The following ZRANB1 variants were observed in gnomAD, a reference collection of about 807,000 sequenced individuals.
ZRANB1 encodes zinc finger RANBP2-type containing 1.
In ZRANB1, 16 loss-of-function variants were observed where a neutral mutation model predicts 80.5. The ratio of observed to expected loss-of-function variants is 0.20; its 90% CI spans 0.13 to 0.30. ZRANB1 has a LOEUF of 0.30. Among genes scored for constraint, ZRANB1 ranks in the 10% least tolerant of loss-of-function variants. ZRANB1 has a pLI of 1.00. For synonymous variants in ZRANB1, 291 were observed against 293.1 expected (o/e 0.99, Z 0.07); for missense variants, 576 against 862.6 (o/e 0.67, Z 4.16).
chr10:124,963,978 C>T (rs554347944), intron 1 of ZRANB1, among the ~76,000 whole-genome samples: 39 of 152,256 alleles, frequency 2.6e-4, no homozygotes, highest in Non-Finnish European at 4.4e-4. Context: ...TGGAGAATTT[C>T]GTGCTGTCAA....
At chr10:124,918,996 TA>T in the ZRANB1 span, among the ~76,000 whole-genome samples, 3 of 152,218 alleles carry the variant, frequency 2.0e-5, no homozygotes, top group Non-Finnish European at 4.4e-5. Context: ...GACACCCATT[TA>T]TTTACTCTTG....
intron 2 of ZRANB1, among the ~76,000 whole-genome samples, chr10:124,967,327 G>A (rs1951784923): frequency 6.6e-6 from 1 of 152,220 alleles, no homozygotes; most frequent in South Asian, 2.1e-4. Flanking sequence ...GGATAAGGGA[G>A]AGAAGGGAAG....
chr10:124,917,540 G>GT, the ZRANB1 span, among the ~76,000 whole-genome samples: 1 of 151,872 alleles, frequency 6.6e-6, no homozygotes, highest in Non-Finnish European at 1.5e-5. Flanking sequence ...GCTGGACGCG[G>GT]TGCCGGTCCC....
the ZRANB1 span, among the ~76,000 whole-genome samples, chr10:124,931,315 CT>C: frequency 0.081 from 12,363 of 152,044 alleles, 689 homozygotes; most frequent in Admixed American, 0.16. Flanking sequence ...TCCCAAGGTG[CT>C]AGGATTACAG....
chr10:124,980,187 G>A (rs1951920088), intron 5 of ZRANB1, among the ~76,000 whole-genome samples: 2 of 152,182 alleles, frequency 1.3e-5, no homozygotes, highest in Admixed American at 1.3e-4. Context: ...AGTTTTGAAT[G>A]TTAAACCAAA....
chr10:124,979,091 A>G (rs148313659), intron 5 of ZRANB1, among the ~76,000 whole-genome samples: 2 of 152,322 alleles, frequency 1.3e-5, no homozygotes, highest in African/African-American at 4.8e-5. Flanking sequence ...GCCATAACCA[A>G]AAAGACAAAT....
chr10:124,932,167 ATAT>A, the ZRANB1 span, among the ~76,000 whole-genome samples: 3 of 152,180 alleles, frequency 2.0e-5, no homozygotes, highest in Non-Finnish European at 4.4e-5. Flanking sequence ...GAGCTGTATA[ATAT>A]TCCATTGTCT....
chr10:124,981,112 A>G (rs897464464), intron 5 of ZRANB1, among the ~76,000 whole-genome samples: 3 of 152,224 alleles, frequency 2.0e-5, no homozygotes, highest in Non-Finnish European at 4.4e-5. Flanking sequence ...CTGAATTTTT[A>G]TATTTGATAG....
chr10:124,947,979 A>G (rs1211551746), intron 1 of ZRANB1, among the ~76,000 whole-genome samples: 1 of 152,198 alleles, frequency 6.6e-6, no homozygotes, highest in Non-Finnish European at 1.5e-5. Flanking sequence ...CTACAAGGCC[A>G]TCTACATGCT....
intron 2 of ZRANB1, among the ~76,000 whole-genome samples, chr10:124,969,009 T>G (rs1351462435): frequency 6.6e-6 from 1 of 152,158 alleles, no homozygotes; most frequent in African/African-American, 2.4e-5. Context: ...AGGGCTGTAG[T>G]TGTCAAAAGA....
chr10:124,940,206 G>T (rs2134238075), upstream of ZRANB1, among the ~76,000 whole-genome samples: 1 of 152,300 alleles, frequency 6.6e-6, no homozygotes, highest in East Asian at 1.9e-4. Context: ...CAGCCCAGTT[G>T]ATTAGCCAAT....
intron 1 of ZRANB1, among the ~76,000 whole-genome samples, chr10:124,957,199 C>A (rs1240568870): frequency 6.6e-6 from 1 of 150,410 alleles, no homozygotes; most frequent in Admixed American, 6.6e-5. Flanking sequence ...TCATGATTGA[C>A]ATTTTTGAAG....
At chr10:124,972,243 C>A in intron 3 of ZRANB1, 125 bp downstream of exon 3, 1 of 851,452 alleles carries the variant, frequency 1.2e-6, no homozygotes, top group South Asian at 1.9e-5. Context: ...TCTTAAATTA[C>A]TTGACTGTCT....
chr10:124,971,849 A>G (rs1460707889), intron 2 of ZRANB1, 116 bp from the exon 3 acceptor site: 33 of 955,250 alleles, frequency 3.5e-5, no homozygotes, highest in Non-Finnish European at 4.9e-5. Context: ...GTGTATTTTA[A>G]GATTAAAGAA....
At chr10:124,946,796 CA>C (rs1213614468) in intron 1 of ZRANB1, among the ~76,000 whole-genome samples, 1 of 152,178 alleles carries the variant, frequency 6.6e-6, no homozygotes, top group Admixed American at 6.5e-5. Context: ...AAGGCTTGAG[CA>C]GTAAGACTAA....
At chr10:124,927,898 G>A in the ZRANB1 span, among the ~76,000 whole-genome samples, 45,939 of 152,016 alleles carry the variant, frequency 0.3, 7,555 homozygotes, top group African/African-American at 0.43. Flanking sequence ...TTAGCTGGGC[G>A]TGGTGGCACA....
At chr10:124,947,855 C>T (rs1951597837) in intron 1 of ZRANB1, among the ~76,000 whole-genome samples, 1 of 152,158 alleles carries the variant, frequency 6.6e-6, no homozygotes, top group Non-Finnish European at 1.5e-5. Context: ...CCATGATCTA[C>T]CCTTGCCTTT....
At chr10:124,981,876 G>T in intron 6 of ZRANB1, 47 bp downstream of exon 6, 1 of 1,609,502 alleles carries the variant, frequency 6.2e-7, no homozygotes, top group East Asian at 2.2e-5. Context: ...AAGTAAGCAT[G>T]TAGTCTAAAC....
upstream of ZRANB1, among the ~76,000 whole-genome samples, chr10:124,941,514 G>A (rs1330705534): frequency 2.6e-5 from 4 of 151,866 alleles, no homozygotes; most frequent in African/African-American, 9.7e-5. Flanking sequence ...CACCATGCAC[G>A]GCTAATTTTT....
Sources: allele counts gnomAD v4.1 joint callset (sites outside exome capture counted in the v4.1 genomes callset), GRCh38; gene constraint gnomAD v4.1.1; transcripts MANE v1.5; gene names NCBI Gene and HGNC (gene_info 2026-07-23, HGNC 2026-07-21).